KIRREL3: variants seen among roughly 807,000 people sequenced by gnomAD.
KIRREL3 encodes kin of IRRE-like protein 3.
Under a neutral mutation model 89.7 loss-of-function variants are expected in KIRREL3, and 36 were observed. That is an observed-to-expected ratio of 0.40 (90% CI 0.31 to 0.53). The LOEUF (loss-of-function observed/expected upper bound fraction) is 0.53. Among genes scored for constraint, KIRREL3 ranks in the 20% least tolerant of loss-of-function variants. The pLI is 0.49. For synonymous variants in KIRREL3, 445 were observed against 441.4 expected, an observed-to-expected ratio of 1.01 and a Z score of -0.10; for missense variants, 864 against 1,056.6, an observed-to-expected ratio of 0.82 and a Z score of 2.53.
intron 1 of KIRREL3, among the ~76,000 whole-genome samples, chr11:126,846,203 C>A (rs1250117872): frequency 1.3e-5 from 2 of 152,128 alleles, no homozygotes; most frequent in African/African-American, 4.8e-5. Context: ...AAAATGGGTA[C>A]CTTAATTTCT....
At chr11:126,806,881 G>A (rs1951221525) in intron 1 of KIRREL3, among the ~76,000 whole-genome samples, 1 of 151,170 alleles carries the variant, frequency 6.6e-6, no homozygotes, top group South Asian at 2.1e-4. Context: ...ACCTCTCTGT[G>A]TCCATGTATT....
rs1258651707 is a variant in KIRREL3, at chr11:126,530,832, ATTTTTC to A, written c.134-4151_134-4146del. ...TCTCCCCTTCCCATACTTTATTTTTATTTTTCTTTTTTTTTTGAGACGGAGTCTGAC... is the reference window on the plus strand; with the variant it reads ...TCTCCCCTTCCCATACTTTATTTTTATTTTTTTTTTGAGACGGAGTCTGAC... On this transcript the variant is annotated intron_variant, in intron 2 of 16. Coordinates refer to ENST00000525144, the MANE Select transcript of KIRREL3 (RefSeq NM_032531.4). This position sits in a 1 kb window ranked among gnomAD's most constrained non-coding sequence, Gnocchi z 5.8. Among the ~76,000 whole-genome samples, 1 of 150,346 alleles carries A rather than the reference ATTTTTC, an allele frequency of 6.7e-6. No individual in the cohort carries two copies. The highest frequency in any genetic ancestry group is 2.4e-5 in the African/African-American group (1 of 40,840).
intron 1 of KIRREL3, among the ~76,000 whole-genome samples, chr11:126,862,704 C>T (rs1340887092): frequency 6.6e-6 from 1 of 152,254 alleles, no homozygotes; most frequent in South Asian, 2.1e-4. Context: ...ACCGTCCACC[C>T]TAACTCCATC....
At position 126,943,290 on chromosome 11, in the gene KIRREL3, G is replaced by C. The variant is rs1948515085; in HGVS notation, c.55+57165C>G. Among the ~76,000 whole-genome samples the C allele has an allele frequency of 6.6e-6, 1 of 152,090 alleles. No individual in the cohort carries two copies. The highest frequency in any genetic ancestry group is 2.4e-5 in the African/African-American group (1 of 41,398). ...TCTCACTCACTCAATTACAGTTAAA[G>C]CCCTGTTCCAGGGAGGAGTGGAGGG... is the stretch of plus-strand genomic sequence containing the variant. On this transcript the variant is annotated intron_variant, in intron 1 of 16. Transcript: ENST00000525144. The surrounding 1 kb of genome is among the most constrained non-coding windows in gnomAD (Gnocchi z 4.2).
rs765211037 is a variant in KIRREL3 at position 126,498,727 on chromosome 11, G to C, written c.433+22588C>G. On this transcript the variant is annotated intron_variant, in intron 4 of 16. Transcript: ENST00000525144. This position sits in a 1 kb window ranked among gnomAD's most constrained non-coding sequence, Gnocchi z 4.3. ...GGGACAGAGCTGGCCTGGCGTCCCA[G>C]TATCCTGCTTCCTGGGAGGAGCACC... 6.6e-6 allele frequency among the ~76,000 whole-genome samples: 1 copy of C among 152,208 alleles called. No individual in the cohort carries two copies. The highest frequency in any genetic ancestry group is 1.5e-5 in the Non-Finnish European group (1 of 68,036).
chr11:126,681,338 T>A (rs1946443210), intron 1 of KIRREL3, among the ~76,000 whole-genome samples: 1 of 152,214 alleles, frequency 6.6e-6, no homozygotes, highest in South Asian at 2.1e-4. Context: ...GGAAAAGTGA[T>A]GATTGATGTG....
rs1950237284 is a variant in KIRREL3 at position 126,778,614 on chromosome 11, A to G, written c.56-215702T>C. ...TTTCCTTCGTTTGAATTTCTAGAATAGAAACTGCTAGAAGAACACAAAAAT... is the reference window on the plus strand; with the variant it reads ...TTTCCTTCGTTTGAATTTCTAGAATGGAAACTGCTAGAAGAACACAAAAAT... On this transcript the variant is annotated intron_variant, in intron 1 of 16. Coordinates refer to ENST00000525144, the MANE Select transcript of KIRREL3 (RefSeq NM_032531.4). This position sits in a 1 kb window ranked among gnomAD's most constrained non-coding sequence, Gnocchi z 4.5. Among the ~76,000 whole-genome samples, 1 of 152,224 alleles carries G rather than the reference A, an allele frequency of 6.6e-6. No individual in the cohort carries two copies. The highest frequency in any genetic ancestry group is 2.4e-5 in the African/African-American group (1 of 41,454).
rs952275179 is a variant in KIRREL3, at chr11:127,000,693, C to T, written c.-184G>A. 1.8e-5 allele frequency: 10 copies of T among 562,370 alleles called. No individual in the cohort carries two copies. Among genetic ancestry groups the T allele is most frequent in the Non-Finnish European group, 2.5e-5 (8 of 317,470 alleles). The allele number at this position is 562,370 out of a possible 1,614,324, so 34.8% of individuals were successfully genotyped here. ...CCTCTGGGTATCTGCAGCCAGCCGA[C>T]ACAAACTGCCTGTTCTTAGCCGCCT... On this transcript the variant is annotated 5_prime_UTR_variant, in exon 1 of 17. Transcript: ENST00000525144. The surrounding 1 kb of genome is among the most constrained non-coding windows in gnomAD (Gnocchi z 7.1).
chr11:126,799,162 ATG>A (rs1329764111), intron 1 of KIRREL3, among the ~76,000 whole-genome samples: 9 of 51,028 alleles, frequency 1.8e-4, no homozygotes, highest in Non-Finnish European at 2.6e-4. Context: ...GCGTATCTGT[ATG>A]TGTGTGTATG....
At chr11:126,604,643 G>T (rs1283515374) in intron 1 of KIRREL3, among the ~76,000 whole-genome samples, 1 of 152,188 alleles carries the variant, frequency 6.6e-6, no homozygotes, top group East Asian at 1.9e-4. Context: ...GGCCACATGG[G>T]GGTGGGTGGG....
At chr11:126,893,230 G>A (rs917120266) in intron 1 of KIRREL3, among the ~76,000 whole-genome samples, 1 of 152,162 alleles carries the variant, frequency 6.6e-6, no homozygotes, top group Non-Finnish European at 1.5e-5. Context: ...TTTAAAAATA[G>A]TGATGGGGTT....
At chr11:126,440,623 G>T in intron 10 of KIRREL3, 74 bp from the exon 11 acceptor site, 1 of 1,284,640 alleles carries the variant, frequency 7.8e-7, no homozygotes, top group Non-Finnish European at 1.1e-6. Context: ...GGTGGGTTCA[G>T]AAGTGTATTC....
intron 4 of KIRREL3, among the ~76,000 whole-genome samples, chr11:126,514,182 C>T (rs917763690): frequency 1.3e-5 from 2 of 152,082 alleles, no homozygotes; most frequent in Non-Finnish European, 2.9e-5. Context: ...CCATGTGGAA[C>T]CTCAGGAGAT....
chr11:126,775,111 G>A (rs538027924), intron 1 of KIRREL3, among the ~76,000 whole-genome samples: 9 of 152,138 alleles, frequency 5.9e-5, no homozygotes, highest in African/African-American at 1.9e-4. Context: ...AACAAATACC[G>A]AACTCCCCAG....
rs554075049 is a variant in KIRREL3, at chr11:126,739,279, C to T, written c.56-176367G>A. Reference sequence around the variant, plus strand: ...TTAGGTGATACTTATAGTATTAATTCGACTGCCTTTTGGCATGGTTATGGG... The same window carrying T: ...TTAGGTGATACTTATAGTATTAATTTGACTGCCTTTTGGCATGGTTATGGG... On this transcript the variant is annotated intron_variant, in intron 1 of 16. Coordinates refer to ENST00000525144, the MANE Select transcript of KIRREL3 (RefSeq NM_032531.4). This position sits in a 1 kb window ranked among gnomAD's most constrained non-coding sequence, Gnocchi z 5.5. 4.6e-5 allele frequency among the ~76,000 whole-genome samples: 7 copies of T among 152,326 alleles called. No individual in the cohort carries two copies. Among genetic ancestry groups the T allele is most frequent in the African/African-American group, 7.2e-5 (3 of 41,568 alleles).
In KIRREL3 at chr11:126,430,443, T is replaced by TA. The variant is rs554222288; in HGVS notation, c.1696+975dup. On this transcript the variant is annotated intron_variant, in intron 14 of 16. Coordinates refer to ENST00000525144, the MANE Select transcript of KIRREL3 (RefSeq NM_032531.4). The surrounding 1 kb of genome is among the most constrained non-coding windows in gnomAD (Gnocchi z 6.6). ...CTGGCCAAAAGAGAGAGACCCTATA[T>TA]AAAAAAAAACCGTATATATATGTGT... 2.0e-3 allele frequency among the ~76,000 whole-genome samples: 298 copies of TA among 151,100 alleles called. No homozygotes were observed. The highest frequency in any genetic ancestry group is 3.6e-3 in the Admixed American group (54 of 15,190).
At position 126,427,250 on chromosome 11, in the gene KIRREL3, T is replaced by C. The variant is rs768363793; in HGVS notation, c.1807-1526A>G. Reference sequence around the variant, plus strand: ...AAAACTAAACACTCCACTGTGTTAATTTTAACAGTGTCAGGCCCTGTGTTA... The same window carrying C: ...AAAACTAAACACTCCACTGTGTTAACTTTAACAGTGTCAGGCCCTGTGTTA... On this transcript the variant is annotated intron_variant, in intron 15 of 16. Transcript: ENST00000525144. The surrounding 1 kb of genome is among the most constrained non-coding windows in gnomAD (Gnocchi z 5.3). 1.3e-5 allele frequency among the ~76,000 whole-genome samples: 2 copies of C among 152,198 alleles called. No homozygotes were observed. Among genetic ancestry groups the C allele is most frequent in the Non-Finnish European group, 2.9e-5 (2 of 68,026 alleles).
At position 126,805,039 on chromosome 11, in the gene KIRREL3, C is replaced by G. The variant is rs973911060; in HGVS notation, c.55+195416G>C. ...AAGTTGGCTTATCATTTAAGGAGCACAGTTCATAGGGTCTGAGGAGTTTTA... is the reference window on the plus strand; with the variant it reads ...AAGTTGGCTTATCATTTAAGGAGCAGAGTTCATAGGGTCTGAGGAGTTTTA... On this transcript the variant is annotated intron_variant, in intron 1 of 16. Coordinates refer to ENST00000525144, the MANE Select transcript of KIRREL3 (RefSeq NM_032531.4). The surrounding 1 kb of genome is among the most constrained non-coding windows in gnomAD (Gnocchi z 4.3). Among the ~76,000 whole-genome samples, 9 of 152,142 alleles carry G rather than the reference C, an allele frequency of 5.9e-5. No individual in the cohort carries two copies. Among genetic ancestry groups the G allele is most frequent in the Non-Finnish European group, 2.9e-5 (2 of 68,024 alleles).
In KIRREL3 at chr11:126,795,582, C is replaced by A. The variant is rs114596864; in HGVS notation, c.55+204873G>T. On this transcript the variant is annotated intron_variant, in intron 1 of 16. Transcript: ENST00000525144. This position sits in a 1 kb window ranked among gnomAD's most constrained non-coding sequence, Gnocchi z 4.1. ...AGTAGAGACGGGGTTTCTACTAAAA[C>A]CCTGTTGGCCAGGCTGGTCTTGAAC... 2.9e-3 allele frequency among the ~76,000 whole-genome samples: 435 copies of A among 152,114 alleles called. 1 individual carries two copies. The highest frequency in any genetic ancestry group is 9.9e-3 in the African/African-American group (409 of 41,482).
Sources: allele counts gnomAD v4.1 joint callset (sites outside exome capture counted in the v4.1 genomes callset), GRCh38; gene constraint gnomAD v4.1.1; non-coding constraint Gnocchi (gnomAD v3.1); transcripts MANE v1.5; gene names NCBI Gene and HGNC (gene_info 2026-07-23, HGNC 2026-07-21).